Variants in PCDHGB5 observed in about 807,000 individuals in gnomAD.
The protein encoded by PCDHGB5 is protocadherin gamma-B5.
In PCDHGB5, 48 loss-of-function variants were observed where a neutral mutation model predicts 62.9. The observed-to-expected ratio is 0.76, with a 90% CI of 0.61 to 0.97. The LOEUF (loss-of-function observed/expected upper bound fraction) is 0.97, where lower values mean the gene tolerates loss of function less well. Among genes scored for constraint, PCDHGB5 ranks in the 50% least tolerant of loss-of-function variants. The probability of loss-of-function intolerance (pLI) is 0.00; values close to 1 mark genes in which losing one functional copy is unlikely to be tolerated. For missense variants in PCDHGB5, 1,118 were observed against 1,198.6 expected (o/e 0.93, Z 0.99); for synonymous variants, 474 against 511.2 (o/e 0.93, Z 0.98).
chr5:141,468,159 T>C (rs1408861467), intron 1 of PCDHGB5, among the ~76,000 whole-genome samples: 2 of 151,760 alleles, frequency 1.3e-5, no homozygotes, highest in Admixed American at 6.6e-5. Context: ...ACCCTGTCTC[T>C]GCTAAAAATA....
Position 141,476,870 on chromosome 5 carries a change from C to T in PCDHGB5, c.2398-17937C>T, listed in dbSNP as rs2099400432. 3 of 1,613,772 alleles carry T rather than the reference C, an allele frequency of 1.9e-6. No individual in the cohort carries two copies. Among genetic ancestry groups the T allele is most frequent in the South Asian group, 1.1e-5 (1 of 91,094 alleles). On this transcript the variant is annotated intron_variant, in intron 1 of 3. Coordinates refer to ENST00000617380, the MANE Select transcript of PCDHGB5 (RefSeq NM_018925.3). The surrounding 1 kb of genome is among the most constrained non-coding windows in gnomAD (Gnocchi z 7.6). ...CTTCAACCAGTCCTTGTACCGGGCGCGCGTCCTGGAGGATGCACCCTCCGG... is the reference window on the plus strand; with the variant it reads ...CTTCAACCAGTCCTTGTACCGGGCGTGCGTCCTGGAGGATGCACCCTCCGG...
intron 1 of PCDHGB5, chr5:141,404,730 C>G: frequency 6.2e-7 from 1 of 1,613,984 alleles, no homozygotes; most frequent in East Asian, 2.2e-5. Context: ...AAGGTGGTGG[C>G]AGTGGACAGA....
Position 141,477,102 on chromosome 5 carries a change from C to T in PCDHGB5, c.2398-17705C>T. 2.5e-6 allele frequency: 4 copies of T among 1,614,232 alleles called. No homozygotes were observed. The South Asian group carries it at 4.4e-5, about 18-fold the overall frequency. On this transcript the variant is annotated intron_variant, in intron 1 of 3. Coordinates refer to ENST00000617380, the MANE Select transcript of PCDHGB5 (RefSeq NM_018925.3). This position sits in a 1 kb window ranked among gnomAD's most constrained non-coding sequence, Gnocchi z 4.9. Reference sequence around the variant, plus strand: ...TACATCCAGGCCAAAGACAAGGGCGCCAATCCCGAAGGAGCACATTGCAAA... The same window carrying T: ...TACATCCAGGCCAAAGACAAGGGCGTCAATCCCGAAGGAGCACATTGCAAA...
chr5:141,502,446 C>T (rs541278139), intron 2 of PCDHGB5, among the ~76,000 whole-genome samples: 1 of 152,098 alleles, frequency 6.6e-6, no homozygotes, highest in South Asian at 2.1e-4. Context: ...ATTCAGATTA[C>T]ACACCTTGGT....
At chr5:141,452,912 A>T (rs1301567203) in intron 1 of PCDHGB5, among the ~76,000 whole-genome samples, 1 of 152,228 alleles carries the variant, frequency 6.6e-6, no homozygotes, top group African/African-American at 2.4e-5. Flanking sequence ...GGCATTATAC[A>T]GTAAGAAAGA....
At chr5:141,423,202 G>A (rs771252840) in intron 1 of PCDHGB5, 67 of 1,613,500 alleles carry the variant, frequency 4.2e-5, no homozygotes, top group Non-Finnish European at 5.5e-5. Context: ...CTCGGCCACC[G>A]TCACGCTCAC....
intron 1 of PCDHGB5, chr5:141,415,740 GTTTTTT>G (rs57426385): frequency 0.053 from 32,266 of 613,620 alleles, 66 homozygotes; most frequent in South Asian, 0.061. Flanking sequence ...GTTTATTAAG[GTTTTTT>G]TTTTTTTTTT....
chr5:141,428,159 G>A (rs1377084529), intron 1 of PCDHGB5: 1 of 1,571,752 alleles, frequency 6.4e-7, no homozygotes, highest in East Asian at 2.2e-5. Context: ...GAACCTGCTG[G>A]TTGCTGTGCG....
intron 1 of PCDHGB5, among the ~76,000 whole-genome samples, chr5:141,466,994 T>C (rs944607423): frequency 6.6e-6 from 1 of 152,176 alleles, no homozygotes; most frequent in African/African-American, 2.4e-5. Flanking sequence ...CTTTTGGCAT[T>C]TTTTTGCAAT....
At chr5:141,438,290 A>G (rs1043285243) in intron 1 of PCDHGB5, among the ~76,000 whole-genome samples, 5 of 152,074 alleles carry the variant, frequency 3.3e-5, no homozygotes, top group East Asian at 3.9e-4. Flanking sequence ...TTTAATCTGT[A>G]TGTAAAAGAA....
chr5:141,487,718 A>G lies in PCDHGB5; in HGVS notation c.2398-7089A>G. Reference sequence around the variant, plus strand: ...TACTGGCCTCTCAGTAAGTGCCCATAGTGATGTCACCATTTTTGTAAGAGG... The same window carrying G: ...TACTGGCCTCTCAGTAAGTGCCCATGGTGATGTCACCATTTTTGTAAGAGG... On this transcript the variant is annotated intron_variant, in intron 1 of 3. Coordinates refer to ENST00000617380, the MANE Select transcript of PCDHGB5 (RefSeq NM_018925.3). The surrounding 1 kb of genome is among the most constrained non-coding windows in gnomAD (Gnocchi z 5.0). The G allele has an allele frequency of 1.3e-6, 2 of 1,580,268 alleles. No individual in the cohort carries two copies. The highest frequency in any genetic ancestry group is 1.7e-6 in the Non-Finnish European group (2 of 1,161,186).
In PCDHGB5 at chr5:141,433,051, G is replaced by A. The variant is rs754102028; in HGVS notation, c.2397+32527G>A. The A allele has an allele frequency of 1.8e-5, 29 of 1,614,066 alleles. No homozygotes were observed. In the East Asian group the frequency reaches 2.5e-4, roughly 14 times the overall value. On this transcript the variant is annotated intron_variant, in intron 1 of 3. Transcript: ENST00000617380. ...AGGTTTCCCTCACCACGGACTCGCG[G>A]AAGAGTCACCTGATCTTCCCCCAGC...
In PCDHGB5 at chr5:141,404,331, A is replaced by G. The variant is rs201757016; in HGVS notation, c.2397+3807A>G. On this transcript the variant is annotated intron_variant, in intron 1 of 3. Coordinates refer to ENST00000617380, the MANE Select transcript of PCDHGB5 (RefSeq NM_018925.3). ...TTCTCTCAAGCCTCCTACTCAGTCT[A>G]CCTCCCGGAAAACAACGCCAGAGGT... 101 of 1,613,692 alleles carry G rather than the reference A, an allele frequency of 6.3e-5. 1 individual carries two copies. The highest frequency in any genetic ancestry group is 6.0e-4 in the African/African-American group (45 of 74,944).
chr5:141,415,953 T>C, intron 1 of PCDHGB5: 3 of 486,080 alleles, frequency 6.2e-6, no homozygotes, highest in Non-Finnish European at 9.4e-6. Context: ...TGGTCACATA[T>C]TGAAACTCCA....
intron 1 of PCDHGB5, chr5:141,478,158 C>G: frequency 6.2e-7 from 1 of 1,614,054 alleles, no homozygotes; most frequent in Non-Finnish European, 8.5e-7. Flanking sequence ...CCCTCTGGCT[C>G]TGCCCCCCGG....
intron 1 of PCDHGB5, chr5:141,415,810 T>C: frequency 7.4e-7 from 1 of 1,360,418 alleles, no homozygotes; most frequent in Non-Finnish European, 9.5e-7. Context: ...AATCAAGGCC[T>C]ATATATCATA....
Position 141,469,939 on chromosome 5 carries a change from T to G in PCDHGB5, c.2398-24868T>G, listed in dbSNP as rs1376169822. Among the ~76,000 whole-genome samples, 3 of 152,186 alleles carry G rather than the reference T, an allele frequency of 2.0e-5. No individual in the cohort carries two copies. The East Asian group carries it at 5.8e-4, about 29-fold the overall frequency. On this transcript the variant is annotated intron_variant, in intron 1 of 3. Transcript: ENST00000617380. ...CGAGGTCAGGAGTTTGAGACCAGCC[T>G]GGCCAGCATGGTGAAACCCCATCTG...
chr5:141,430,637 G>A (rs2097298854), intron 1 of PCDHGB5: 1 of 890,676 alleles, frequency 1.1e-6, no homozygotes, highest in Admixed American at 2.8e-5. Context: ...ACCATCCCTG[G>A]GAGTATGTGG....
rs1173306822 is a variant in PCDHGB5, at chr5:141,431,115, T to G, written c.2397+30591T>G. The G allele has an allele frequency of 6.2e-7, 1 of 1,613,608 alleles. No homozygotes were observed. Among genetic ancestry groups the G allele is most frequent in the East Asian group, 2.2e-5 (1 of 44,840 alleles). ...GAGGATAAAGTGAAAATATATGGAG[T>G]AGAAGTAGAAGTAAGGGACATTAAC... On this transcript the variant is annotated intron_variant, in intron 1 of 3. Transcript: ENST00000617380. This position sits in a 1 kb window ranked among gnomAD's most constrained non-coding sequence, Gnocchi z 4.8.
Sources: allele counts gnomAD v4.1 joint callset (sites outside exome capture counted in the v4.1 genomes callset), GRCh38; gene constraint gnomAD v4.1.1; non-coding constraint Gnocchi (gnomAD v3.1); transcripts MANE v1.5; gene names NCBI Gene and HGNC (gene_info 2026-07-23, HGNC 2026-07-21).